CSMD3: variants seen among roughly 807,000 people sequenced by gnomAD.
CSMD3 encodes the protein CUB and Sushi multiple domains 3, also known as CUB and sushi domain-containing protein 3.
CSMD3 carries 177 observed loss-of-function variants against 435.2 expected under a neutral mutation model. The ratio of observed to expected loss-of-function variants is 0.41; its 90% CI spans 0.36 to 0.46. The LOEUF is 0.46. CSMD3 is among the 20% of genes least tolerant of loss of function. CSMD3 has a pLI of 0.34. For synonymous variants in CSMD3, 1,656 were observed against 1,520.5 expected (o/e 1.09, Z -2.07); for missense variants, 4,265 against 4,504.6 (o/e 0.95, Z 1.52).
chr8:112,701,988 T>C (rs190949035), intron 13 of CSMD3, among the ~76,000 whole-genome samples: 6 of 152,334 alleles, frequency 3.9e-5, no homozygotes, highest in Non-Finnish European at 7.4e-5. Context: ...TGGGCTTCTA[T>C]AGGCCTTGGA....
At chr8:113,245,445 T>C (rs948228559) in intron 3 of CSMD3, among the ~76,000 whole-genome samples, 2 of 151,978 alleles carry the variant, frequency 1.3e-5, no homozygotes, top group Non-Finnish European at 1.5e-5. Context: ...GCTTATCCTG[T>C]AGATTAAAAC....
intron 6 of CSMD3, among the ~76,000 whole-genome samples, chr8:113,002,722 T>G (rs906256341): frequency 2.0e-5 from 3 of 152,118 alleles, no homozygotes; most frequent in African/African-American, 7.2e-5. Context: ...ATACAACCTC[T>G]TTCTTGTGTT....
At chr8:112,647,999 G>A (rs1168283072) in intron 19 of CSMD3, among the ~76,000 whole-genome samples, 1 of 152,098 alleles carries the variant, frequency 6.6e-6, no homozygotes, top group Non-Finnish European at 1.5e-5. Context: ...TACATTGTCT[G>A]GTTTGCTTTG....
intron 22 of CSMD3, among the ~76,000 whole-genome samples, chr8:112,625,909 T>C (rs1297524317): frequency 6.6e-6 from 1 of 152,150 alleles, no homozygotes; most frequent in Non-Finnish European, 1.5e-5. Flanking sequence ...AAGATATTGT[T>C]TATTTAAATA....
intron 19 of CSMD3, among the ~76,000 whole-genome samples, chr8:112,648,730 T>C (rs1029569623): frequency 3.9e-5 from 6 of 152,194 alleles, no homozygotes; most frequent in African/African-American, 1.4e-4. Flanking sequence ...CTTTTTATCT[T>C]CCTGGTTCTT....
intron 11 of CSMD3, among the ~76,000 whole-genome samples, chr8:112,853,435 A>C (rs1399602959): frequency 6.6e-6 from 1 of 152,126 alleles, no homozygotes; most frequent in Non-Finnish European, 1.5e-5. Context: ...CATTTTGGCA[A>C]TGCTGGTCTC....
chr8:112,309,162 C>A (rs2130803282), intron 50 of CSMD3, among the ~76,000 whole-genome samples: 1 of 151,978 alleles, frequency 6.6e-6, no homozygotes, highest in South Asian at 2.1e-4. Context: ...GAAAAAATGA[C>A]TCCATATGTA....
intron 22 of CSMD3, among the ~76,000 whole-genome samples, chr8:112,626,560 T>G (rs1188232863): frequency 6.6e-6 from 1 of 152,124 alleles, no homozygotes; most frequent in Non-Finnish European, 1.5e-5. Context: ...AAAATGGAAT[T>G]AGAACAAATT....
At chr8:112,464,032 C>T (rs1184349597) in intron 32 of CSMD3, among the ~76,000 whole-genome samples, 3 of 151,948 alleles carry the variant, frequency 2.0e-5, no homozygotes, top group Non-Finnish European at 4.4e-5. Context: ...GTCAGGAGAT[C>T]GAGACCATCC....
chr8:113,130,352 G>A (rs1454350813), intron 4 of CSMD3, among the ~76,000 whole-genome samples: 2 of 152,106 alleles, frequency 1.3e-5, no homozygotes, highest in Non-Finnish European at 2.9e-5. Flanking sequence ...GGATCATGGG[G>A]AGGAATTTCC....
chr8:113,407,358 G>C (rs935384041), intron 1 of CSMD3, among the ~76,000 whole-genome samples: 1 of 152,020 alleles, frequency 6.6e-6, no homozygotes, highest in Admixed American at 6.6e-5. Context: ...AATTTTAAGT[G>C]AGCCACCATG....
chr8:112,466,172 T>A (rs1037011209), intron 32 of CSMD3, among the ~76,000 whole-genome samples: 2 of 152,184 alleles, frequency 1.3e-5, no homozygotes, highest in Non-Finnish European at 2.9e-5. Context: ...TCATATACTT[T>A]AAGTAAAAAA....
At chr8:113,267,082 T>C (rs1331579605) in intron 3 of CSMD3, among the ~76,000 whole-genome samples, 2 of 151,590 alleles carry the variant, frequency 1.3e-5, no homozygotes, top group African/African-American at 4.8e-5. Flanking sequence ...ATTATTATTG[T>C]TAAAAAGGCA....
chr8:112,508,357 G>A (rs1332534882), intron 28 of CSMD3, among the ~76,000 whole-genome samples: 3 of 152,056 alleles, frequency 2.0e-5, no homozygotes, highest in Non-Finnish European at 4.4e-5. Context: ...TCACCCTCTT[G>A]TTTATGGCAA....
chr8:113,133,725 A>G (rs898576212), intron 4 of CSMD3, among the ~76,000 whole-genome samples: 5 of 152,136 alleles, frequency 3.3e-5, no homozygotes, highest in African/African-American at 7.2e-5. Context: ...TGACATATAT[A>G]TATAGAATGG....
At chr8:112,540,595 G>T (rs1826572982) in intron 27 of CSMD3, among the ~76,000 whole-genome samples, 1 of 151,972 alleles carries the variant, frequency 6.6e-6, no homozygotes, top group Non-Finnish European at 1.5e-5. Flanking sequence ...TTCAGCCACG[G>T]GGAGGAAAAA....
chr8:113,153,080 GAAAGAAAGAAAGAAAGAAAGA>G (rs1158397397), intron 4 of CSMD3, among the ~76,000 whole-genome samples: 7 of 70,822 alleles, frequency 9.9e-5, no homozygotes, highest in African/African-American at 5.7e-4. Flanking sequence ...GAAAGAAAAA[GAAAGAAAGAAAGAAAGAAAGA>G]AAAGAAAGAA....
rs1335649455 is a variant in CSMD3 at position 112,556,779 on chromosome 8, A to G, written c.4218T>C (p.Pro1406=). 10 of 1,609,074 alleles carry G rather than the reference A, an allele frequency of 6.2e-6. No individual in the cohort carries two copies. The highest frequency in any genetic ancestry group is 1.7e-4 in the Middle Eastern group (1 of 6,040). Residue 1406 remains proline, a synonymous_variant, in exon 25 of 71, where the codon CCT becomes CCC. Transcript: ENST00000297405. Reference sequence around the variant, plus strand: ...GTATCCTACCAATACAGGAAGGCAGAGGATAGTCCCATGCCCTTCTCTCCC... The same window carrying G: ...GTATCCTACCAATACAGGAAGGCAGGGGATAGTCCCATGCCCTTCTCTCCC... The part of the protein sequence containing the change: ...MTGERRAWDY[P]LPSCIAECGG...
chr8:113,217,116 A>C (rs1019734589), intron 3 of CSMD3, among the ~76,000 whole-genome samples: 2 of 151,544 alleles, frequency 1.3e-5, no homozygotes, highest in African/African-American at 4.9e-5. Flanking sequence ...ACCAAGCCAT[A>C]ACATTTCTCT....
Sources: gnomAD v4.1 joint callset for allele counts (sites outside exome capture counted in the v4.1 genomes callset) on GRCh38, gnomAD v4.1.1 for gene constraint, MANE v1.5 for transcripts, NCBI Gene and HGNC (gene_info 2026-07-23, HGNC 2026-07-21) for gene names.